Variants in IPO11 observed in about 807,000 individuals in gnomAD.
IPO11 encodes importin 11.
Under a neutral mutation model 143.2 loss-of-function variants are expected in IPO11, and 66 were observed. The observed-to-expected ratio is 0.46, with a 90% CI of 0.38 to 0.57. IPO11 has a LOEUF of 0.57. Among genes scored for constraint, IPO11 ranks in the 20% least tolerant of loss-of-function variants. The pLI, the probability that IPO11 is intolerant of heterozygous loss-of-function variation, is 0.00. For missense variants in IPO11, 1,026 were observed against 1,141.0 expected, an observed-to-expected ratio of 0.90 and a Z score of 1.45; for synonymous variants, 385 against 377.8, an observed-to-expected ratio of 1.02 and a Z score of -0.22.
chr5:62,602,335 A>C (rs1285987590), intron 29 of IPO11, among the ~76,000 whole-genome samples: 2 of 152,216 alleles, frequency 1.3e-5, no homozygotes, highest in Non-Finnish European at 2.9e-5. Context: ...AACAAAAAAA[A>C]AGGAAATATC....
intron 29 of IPO11, among the ~76,000 whole-genome samples, chr5:62,617,653 T>C (rs1746191131): frequency 6.6e-6 from 1 of 152,146 alleles, no homozygotes; most frequent in South Asian, 2.1e-4. Flanking sequence ...AGTTGATTTT[T>C]TTTTTAATGT....
chr5:62,594,430 G>T (rs73108092), intron 28 of IPO11, among the ~76,000 whole-genome samples: 2,493 of 152,256 alleles, frequency 0.016, 63 homozygotes, highest in African/African-American at 0.058. Context: ...TCTGAAGACG[G>T]AAGAAGTACA....
intron 29 of IPO11, among the ~76,000 whole-genome samples, chr5:62,621,264 G>A (rs570470301): frequency 6.6e-6 from 1 of 152,298 alleles, no homozygotes; most frequent in Admixed American, 6.5e-5. Context: ...CCAGGTTCTT[G>A]TCACACGACC....
rs569681674 is a variant in IPO11 at position 62,435,024 on chromosome 5, CA to C, written c.-6-2240del. 9.9e-3 allele frequency among the ~76,000 whole-genome samples: 1,260 copies of C among 127,168 alleles called. 8 individuals carry two copies. The highest frequency in any genetic ancestry group is 0.017 in the Admixed American group (216 of 12,348). The allele number at this position is 127,168 out of a possible 152,430, so 83.4% of individuals were successfully genotyped here. A position where few individuals can be genotyped will look rare whatever the true frequency, so the allele number is the denominator to read the frequency against. ...TAGGCAACAGAGTGAGACGCTGTCT[CA>C]AAAAAAAAATATATATGTATATGTG... On this transcript the variant is annotated intron_variant, in intron 1 of 29. Coordinates refer to ENST00000325324, the MANE Select transcript of IPO11 (RefSeq NM_016338.5).
At chr5:62,609,453 T>C (rs979025699) in intron 29 of IPO11, among the ~76,000 whole-genome samples, 18 of 152,200 alleles carry the variant, frequency 1.2e-4, no homozygotes, top group Non-Finnish European at 1.2e-4. Flanking sequence ...AAATATATGA[T>C]TGATACAAGC....
At chr5:62,530,462 G>T (rs1201530390) in intron 21 of IPO11, among the ~76,000 whole-genome samples, 1 of 152,164 alleles carries the variant, frequency 6.6e-6, no homozygotes. Flanking sequence ...AAGCCATGTT[G>T]TGCAAGGGTC....
intron 20 of IPO11, among the ~76,000 whole-genome samples, chr5:62,517,270 A>G (rs1439901593): frequency 6.6e-6 from 1 of 152,204 alleles, no homozygotes; most frequent in African/African-American, 2.4e-5. Flanking sequence ...ATTACCTTAT[A>G]AAGATTATGT....
chr5:62,422,862 T>TG (rs1191591300), intron 1 of IPO11, among the ~76,000 whole-genome samples: 1 of 152,212 alleles, frequency 6.6e-6, no homozygotes, highest in African/African-American at 2.4e-5. Context: ...TCACAAGTCT[T>TG]GGATTTTTTT....
chr5:62,490,604 G>A (rs901141096), intron 15 of IPO11, among the ~76,000 whole-genome samples: 2 of 152,054 alleles, frequency 1.3e-5, no homozygotes, highest in Non-Finnish European at 2.9e-5. Flanking sequence ...CTGGGGAGAC[G>A]GTAGAGTAGG....
At chr5:62,550,246 A>G (rs915299072) in intron 24 of IPO11, 121 bp from the exon 25 acceptor site, 9 of 638,464 alleles carry the variant, frequency 1.4e-5, no homozygotes, top group African/African-American at 7.2e-5. Flanking sequence ...TACCCTGCAT[A>G]CGTGTATGCA....
intron 19 of IPO11, among the ~76,000 whole-genome samples, chr5:62,509,070 A>G (rs896047980): frequency 1.3e-5 from 2 of 152,234 alleles, no homozygotes; most frequent in Non-Finnish European, 2.9e-5. Context: ...CCATCTTTGT[A>G]CCATACTGTA....
chr5:62,579,349 A>G, intron 27 of IPO11: 1 of 1,170,910 alleles, frequency 8.5e-7, no homozygotes, highest in Non-Finnish European at 1.2e-6. Context: ...TATAAAAAAA[A>G]TTCATTTGAT....
intron 22 of IPO11, among the ~76,000 whole-genome samples, chr5:62,536,446 T>TTCATTC (rs547323299): frequency 5.2e-4 from 41 of 78,960 alleles, no homozygotes; most frequent in Admixed American, 1.8e-3. Context: ...TTCATTCATT[T>TTCATTC]ATTCATTCAT....
At chr5:62,596,119 A>G (rs1745204692) in intron 28 of IPO11, among the ~76,000 whole-genome samples, 1 of 150,704 alleles carries the variant, frequency 6.6e-6, no homozygotes, top group African/African-American at 2.4e-5. Flanking sequence ...AAAATTGAAA[A>G]TCAGCCAGGC....
chr5:62,434,801 G>C (rs984407865), intron 1 of IPO11, among the ~76,000 whole-genome samples: 6 of 151,912 alleles, frequency 3.9e-5, no homozygotes, highest in Non-Finnish European at 7.4e-5. Flanking sequence ...GAGGCAGGCG[G>C]ATCATTTGAG....
intron 27 of IPO11, among the ~76,000 whole-genome samples, chr5:62,590,089 G>A (rs1744956291): frequency 6.6e-6 from 1 of 152,244 alleles, no homozygotes; most frequent in Admixed American, 6.5e-5. Context: ...GCTAGCAGCT[G>A]TGGGGACACT....
At chr5:62,540,052 C>T (rs1742875725) in intron 24 of IPO11, among the ~76,000 whole-genome samples, 2 of 152,182 alleles carry the variant, frequency 1.3e-5, no homozygotes, top group Admixed American at 1.3e-4. Flanking sequence ...CTCTATTATA[C>T]TGAGCTTCTC....
In IPO11 at chr5:62,435,110, G is replaced by GTATATATGTGTATATATGTATATATGTA; in HGVS notation, c.-6-2155_-6-2154insGTATATATGTATATATGTATATATATGT. ...TATATATGTATATATGTATATATAT[G>GTATATATGTGTATATATGTATATATGTA]TATATATGTATATATGTATATATAT... On this transcript the variant is annotated intron_variant, in intron 1 of 29. Coordinates refer to ENST00000325324, the MANE Select transcript of IPO11 (RefSeq NM_016338.5). 3.1e-5 allele frequency among the ~76,000 whole-genome samples: 2 copies of GTATATATGTGTATATATGTATATATGTA among 65,438 alleles called. 1 individual carries two copies. The allele number at this position is 65,438 out of a possible 152,430, so 42.9% of individuals were successfully genotyped here.
At position 62,483,138 on chromosome 5, in the gene IPO11, C is replaced by A. The variant is rs1169943707; in HGVS notation, c.866C>A (p.Thr289Asn). 2 of 1,604,560 alleles carry A rather than the reference C, an allele frequency of 1.2e-6. No individual in the cohort carries two copies. Among genetic ancestry groups the A allele is most frequent in the Non-Finnish European group, 8.5e-7 (1 of 1,175,416 alleles). The part of the protein sequence containing the change: ...DFLDQHPFSF[T>N]PLIQRSLEFS... ...TTGGATCAGCATCCTTTTTCATTTACTCCTCTAATTCAGAGATCACTGGAA... is the reference window on the plus strand; with the variant it reads ...TTGGATCAGCATCCTTTTTCATTTAATCCTCTAATTCAGAGATCACTGGAA... The change falls in exon 10 of 30, where the codon ACT (threonine) becomes AAT (asparagine). Residue 289 changes from threonine to asparagine, a missense_variant. Transcript: ENST00000325324.
Sources: gnomAD v4.1 joint callset for allele counts (sites outside exome capture counted in the v4.1 genomes callset) on GRCh38, gnomAD v4.1.1 for gene constraint, MANE v1.5 for transcripts, NCBI Gene and HGNC (gene_info 2026-07-23, HGNC 2026-07-21) for gene names.